Variants in IGF2BP2 observed in about 807,000 individuals in gnomAD.
IGF2BP2 encodes insulin-like growth factor 2 mRNA-binding protein 2.
IGF2BP2 carries 17 observed loss-of-function variants against 75.8 expected under a neutral mutation model. The ratio of observed to expected loss-of-function variants is 0.22; its 90% CI spans 0.15 to 0.34. The LOEUF is 0.34. Among genes scored for constraint, IGF2BP2 ranks in the 10% least tolerant of loss-of-function variants. IGF2BP2 has a pLI of 1.00. For synonymous variants in IGF2BP2, 288 were observed against 295.6 expected (o/e 0.97, Z 0.26); for missense variants, 516 against 772.4 (o/e 0.67, Z 3.93).
At chr3:185,668,508 G>GATAT (rs755033940) in intron 10 of IGF2BP2, among the ~76,000 whole-genome samples, 5,569 of 125,602 alleles carry the variant, frequency 0.044, 142 homozygotes, top group South Asian at 0.054. Flanking sequence ...GAGAGAGAGA[G>GATAT]ATATATATAT....
chr3:185,652,175 T>C lies in IGF2BP2; in HGVS notation c.1387-7A>G. 6.2e-7 allele frequency: 1 copy of C among 1,608,240 alleles called. No homozygotes were observed. The highest frequency in any genetic ancestry group is 2.2e-5 in the East Asian group (1 of 44,766). ...GGCCTTCCGCAGGGGCAATCTGTGG[T>C]TCACAGGAGAGGAAAACGCTGATGC... On this transcript the variant is annotated splice_polypyrimidine_tract_variant and splice_region_variant and intron_variant, in intron 12 of 15. Transcript: ENST00000382199.
At chr3:185,736,883 T>C (rs1728927767) in intron 2 of IGF2BP2, among the ~76,000 whole-genome samples, 2 of 152,188 alleles carry the variant, frequency 1.3e-5, no homozygotes, top group South Asian at 2.1e-4. Flanking sequence ...GGCAAATCTA[T>C]GCTAGGAAGG....
At chr3:185,728,145 T>A (rs1347063265) in intron 2 of IGF2BP2, 1 of 152,326 alleles carries the variant, frequency 6.6e-6, no homozygotes, top group Non-Finnish European at 1.5e-5. Flanking sequence ...CCCCAGCCTA[T>A]GAGAGGCAAA....
At chr3:185,743,660 A>G (rs1729869267) in intron 2 of IGF2BP2, among the ~76,000 whole-genome samples, 1 of 152,226 alleles carries the variant, frequency 6.6e-6, no homozygotes, top group African/African-American at 2.4e-5. Context: ...CCAGCAAATT[A>G]AACAGCTGGC....
At chr3:185,737,939 G>C (rs931406911) in intron 2 of IGF2BP2, among the ~76,000 whole-genome samples, 1 of 152,244 alleles carries the variant, frequency 6.6e-6, no homozygotes, top group Non-Finnish European at 1.5e-5. Flanking sequence ...GAATTACTAG[G>C]TCAAAGGGTG....
At chr3:185,646,887 C>G in intron 15 of IGF2BP2, 138 bp downstream of exon 15, 2 of 664,464 alleles carry the variant, frequency 3.0e-6, no homozygotes, top group East Asian at 5.4e-5. Context: ...CCCTAAAGAG[C>G]CAGGAAGAAC....
chr3:185,821,588 T>C (rs1045574243), intron 2 of IGF2BP2, among the ~76,000 whole-genome samples: 1 of 152,150 alleles, frequency 6.6e-6, no homozygotes, highest in Non-Finnish European at 1.5e-5. Flanking sequence ...AATTAAATAA[T>C]GCACACTGCA....
intron 10 of IGF2BP2, among the ~76,000 whole-genome samples, chr3:185,659,966 G>T (rs1716156670): frequency 6.6e-6 from 1 of 151,968 alleles, no homozygotes; most frequent in African/African-American, 2.4e-5. Context: ...AGCTAATTTT[G>T]TATTGTTAGT....
chr3:185,662,708 A>C (rs1173694102), intron 10 of IGF2BP2, among the ~76,000 whole-genome samples: 1 of 151,702 alleles, frequency 6.6e-6, no homozygotes, highest in African/African-American at 2.4e-5. Context: ...ACGCATAGCT[A>C]ATTTTTATAT....
At chr3:185,823,895 T>C (rs920078178) in intron 1 of IGF2BP2, among the ~76,000 whole-genome samples, 2 of 151,476 alleles carry the variant, frequency 1.3e-5, no homozygotes, top group Non-Finnish European at 3.0e-5. Flanking sequence ...CTCCGTCTCC[T>C]GTCTGGGCTC....
At chr3:185,812,668 T>C (rs1236776810) in intron 2 of IGF2BP2, among the ~76,000 whole-genome samples, 1 of 152,178 alleles carries the variant, frequency 6.6e-6, no homozygotes, top group East Asian at 1.9e-4. Context: ...AAACCCCTTT[T>C]CTAAACCAAA....
intron 2 of IGF2BP2, among the ~76,000 whole-genome samples, chr3:185,804,693 T>C (rs1738760124): frequency 1.3e-5 from 2 of 151,748 alleles, no homozygotes; most frequent in Middle Eastern, 3.4e-3. Context: ...CTCAATGTAT[T>C]TAATTACAAT....
intron 2 of IGF2BP2, among the ~76,000 whole-genome samples, chr3:185,707,693 A>AT (rs1724242526): frequency 6.6e-6 from 1 of 152,088 alleles, no homozygotes; most frequent in Non-Finnish European, 1.5e-5. Context: ...AAACATGATA[A>AT]TTTTTTGGGA....
At chr3:185,689,176 T>A in intron 6 of IGF2BP2, 179 bp downstream of exon 6, 1 of 642,306 alleles carries the variant, frequency 1.6e-6, no homozygotes. Flanking sequence ...GCATGAAAGC[T>A]TGTCACAGCC....
At chr3:185,824,100 TGA>T (rs1261016980) in intron 1 of IGF2BP2, among the ~76,000 whole-genome samples, 1 of 150,954 alleles carries the variant, frequency 6.6e-6, no homozygotes, top group Non-Finnish European at 1.5e-5. Context: ...TAGGAGCGCT[TGA>T]GAGAGCAAGC....
chr3:185,745,489 T>C (rs1010699470), intron 2 of IGF2BP2, among the ~76,000 whole-genome samples: 3 of 152,072 alleles, frequency 2.0e-5, no homozygotes, highest in Admixed American at 2.0e-4. Flanking sequence ...CAAGGTGTGG[T>C]TTTCCTTCCC....
At position 185,684,473 on chromosome 3, in the gene IGF2BP2, C is replaced by T. The variant is rs911899179; in HGVS notation, c.812+2584G>A. 4.0e-5 allele frequency among the ~76,000 whole-genome samples: 6 copies of T among 151,790 alleles called. No homozygotes were observed. In the South Asian group the frequency reaches 6.2e-4, roughly 16 times the overall value. On this transcript the variant is annotated intron_variant, in intron 7 of 15. Coordinates refer to ENST00000382199, the MANE Select transcript of IGF2BP2 (RefSeq NM_006548.6). The stretch of plus-strand genomic sequence containing the variant: ...AGGCTGGAGTGCAGTGGCGCGATCT[C>T]GGCTCACTGCAACCTCCACCTCCCA...
chr3:185,782,509 A>G (rs1255913519), intron 2 of IGF2BP2, among the ~76,000 whole-genome samples: 1 of 152,138 alleles, frequency 6.6e-6, no homozygotes, highest in Non-Finnish European at 1.5e-5. Context: ...CATGTTCAAG[A>G]AACTCACATT....
intron 2 of IGF2BP2, among the ~76,000 whole-genome samples, chr3:185,718,793 C>T (rs1051718292): frequency 2.0e-5 from 3 of 151,558 alleles, no homozygotes; most frequent in Non-Finnish European, 4.4e-5. Context: ...AGCAAAGCCA[C>T]GATCAAAACC....
Sources: allele counts gnomAD v4.1 joint callset (sites outside exome capture counted in the v4.1 genomes callset), GRCh38; gene constraint gnomAD v4.1.1; transcripts MANE v1.5; gene names NCBI Gene and HGNC (gene_info 2026-07-23, HGNC 2026-07-21).